The following ZSWIM6 variants were observed in gnomAD, a reference collection of about 807,000 sequenced individuals.
ZSWIM6 encodes zinc finger SWIM-type containing 6, also known as zinc finger SWIM domain-containing protein 6.
In ZSWIM6, 9 loss-of-function variants were observed where a neutral mutation model predicts 113.2. The observed-to-expected ratio is 0.08, with a 90% CI of 0.05 to 0.14. ZSWIM6 has a LOEUF of 0.14. Ranked by LOEUF, ZSWIM6 falls within the 10% of genes least tolerant of loss-of-function variation. ZSWIM6 has a pLI of 1.00. For synonymous variants in ZSWIM6, 611 were observed against 606.5 expected (o/e 1.01, Z -0.11); for missense variants, 1,162 against 1,552.2 (o/e 0.75, Z 4.22).
chr5:61,444,685 T>C (rs1399082588), intron 1 of ZSWIM6, among the ~76,000 whole-genome samples: 1 of 152,180 alleles, frequency 6.6e-6, no homozygotes, highest in Non-Finnish European at 1.5e-5. Context: ...ATCAGTGTGT[T>C]TTTGATATTA....
In ZSWIM6 at chr5:61,346,560, C is replaced by T. The variant is rs555049631; in HGVS notation, c.676+13612C>T. Among the ~76,000 whole-genome samples, 505 of 152,262 alleles carry T rather than the reference C, an allele frequency of 3.3e-3. 6 individuals carry two copies. Among genetic ancestry groups the T allele is most frequent in the Non-Finnish European group, 3.8e-3 (261 of 68,008 alleles). ...GTGGGTAAGAGACTACCTTTTGTAT[C>T]TTTAATGCAATTTACGTTTTGTTTA... On this transcript the variant is annotated intron_variant, in intron 1 of 13. Coordinates refer to ENST00000252744, the MANE Select transcript of ZSWIM6 (RefSeq NM_020928.2).
At chr5:61,360,012 GAGAGA>G (rs753639228) in intron 1 of ZSWIM6, among the ~76,000 whole-genome samples, 45 of 152,158 alleles carry the variant, frequency 3.0e-4, no homozygotes, top group Non-Finnish European at 1.8e-4. Flanking sequence ...GAGAGAGAGA[GAGAGA>G]GAGGGAGAAT....
At chr5:61,526,581 T>A (rs1465948649) in intron 7 of ZSWIM6, among the ~76,000 whole-genome samples, 185 bp downstream of exon 7, 1 of 105,502 alleles carries the variant, frequency 9.5e-6, no homozygotes, top group Non-Finnish European at 1.8e-5. Context: ...TTGAATGTTG[T>A]AAGCAAAGAT....
chr5:61,536,366 A>G (rs886591254), intron 10 of ZSWIM6, among the ~76,000 whole-genome samples: 1 of 152,256 alleles, frequency 6.6e-6, no homozygotes, highest in African/African-American at 2.4e-5. Flanking sequence ...CTTACAAATA[A>G]CCTTTAAATT....
intron 1 of ZSWIM6, among the ~76,000 whole-genome samples, chr5:61,439,143 A>G (rs1458976367): frequency 6.6e-6 from 1 of 152,220 alleles, no homozygotes; most frequent in Non-Finnish European, 1.5e-5. Context: ...TTGAAATTTC[A>G]GGCTGACTTT....
intron 1 of ZSWIM6, chr5:61,391,786 A>C (rs1579971528): frequency 1.1e-6 from 1 of 942,008 alleles, no homozygotes; most frequent in East Asian, 2.4e-5. Context: ...AAAGCTCTTC[A>C]CCTTCCCATG....
At chr5:61,465,377 A>T (rs1430429883) in intron 1 of ZSWIM6, among the ~76,000 whole-genome samples, 2 of 151,272 alleles carry the variant, frequency 1.3e-5, no homozygotes, top group African/African-American at 4.9e-5. Flanking sequence ...GTGGTAGGGA[A>T]CCCTTATGTG....
At chr5:61,384,114 G>A (rs1043668060) in intron 1 of ZSWIM6, among the ~76,000 whole-genome samples, 1 of 150,714 alleles carries the variant, frequency 6.6e-6, no homozygotes, top group Admixed American at 6.6e-5. Flanking sequence ...GGTGGCGGGC[G>A]CCTGTAGTCC....
At chr5:61,393,291 C>T (rs955441838) in intron 1 of ZSWIM6, among the ~76,000 whole-genome samples, 1 of 151,932 alleles carries the variant, frequency 6.6e-6, no homozygotes, top group African/African-American at 2.4e-5. Flanking sequence ...CATGATCCAC[C>T]CGCCTCAGCC....
At chr5:61,336,013 C>T (rs1322887825) in intron 1 of ZSWIM6, among the ~76,000 whole-genome samples, 1 of 152,084 alleles carries the variant, frequency 6.6e-6, no homozygotes, top group Non-Finnish European at 1.5e-5. Flanking sequence ...CTGTAATCCC[C>T]GAACTTTGGG....
At chr5:61,386,961 T>A (rs1270126828) in intron 1 of ZSWIM6, among the ~76,000 whole-genome samples, 1 of 152,190 alleles carries the variant, frequency 6.6e-6, no homozygotes, top group Non-Finnish European at 1.5e-5. Flanking sequence ...CCGGTTCCTT[T>A]ATCTTTAGTT....
chr5:61,334,893 G>T (rs7443689), intron 1 of ZSWIM6, among the ~76,000 whole-genome samples: 7 of 143,798 alleles, frequency 4.9e-5, no homozygotes, highest in Non-Finnish European at 4.6e-5. Context: ...AATGTTGAGG[G>T]TTTTTTTTTT....
At chr5:61,524,515 T>A (rs2112266452) in intron 5 of ZSWIM6, among the ~76,000 whole-genome samples, 1 of 152,322 alleles carries the variant, frequency 6.6e-6, no homozygotes, top group East Asian at 1.9e-4. Context: ...AGTAAGGATA[T>A]CTGTGTTTTA....
At chr5:61,521,686 T>A (rs1378578939) in intron 5 of ZSWIM6, among the ~76,000 whole-genome samples, 1 of 152,202 alleles carries the variant, frequency 6.6e-6, no homozygotes, top group Admixed American at 6.5e-5. Context: ...TTATTTTATA[T>A]ACTAGTATGT....
At chr5:61,359,313 G>A (rs1167721599) in intron 1 of ZSWIM6, among the ~76,000 whole-genome samples, 1 of 152,098 alleles carries the variant, frequency 6.6e-6, no homozygotes, top group South Asian at 2.1e-4. Flanking sequence ...AGAAGGCAGG[G>A]GTTCAGGAAG....
chr5:61,456,172 A>C (rs376655949), intron 1 of ZSWIM6, among the ~76,000 whole-genome samples: 6 of 152,274 alleles, frequency 3.9e-5, no homozygotes, highest in African/African-American at 1.4e-4. Context: ...TCAATTTCAC[A>C]GAAAGATTTT....
chr5:61,490,850 G>T lies in ZSWIM6; in HGVS notation c.1098G>T (p.Glu366Asp), dbSNP rs1407916833. The T allele has an allele frequency of 1.3e-6, 2 of 1,548,516 alleles. No individual in the cohort carries two copies. The highest frequency in any genetic ancestry group is 1.4e-5 in the African/African-American group (1 of 72,740). ...AAAACTGCTGGCACTTAGATGAAGA[G>T]CAGGTTCAAGAACAGGTTAAACTGT... ...DDENCWHLDEEQVQEQVKLFL... is the reference protein window; with the variant it reads ...DDENCWHLDEDQVQEQVKLFL... The change falls in exon 3 of 14, where the codon GAG becomes GAT. Residue 366 changes from glutamate (E) to aspartate (D), a missense_variant. Around this residue, in one of 4 missense-constraint regions of ZSWIM6, gnomAD observed 96 missense variants for 240.3 expected, o/e 0.40. Transcript: ENST00000252744.
chr5:61,530,064 A>C lies in ZSWIM6; in HGVS notation c.1850A>C (p.Lys617Thr). 1 of 1,551,012 alleles carries C rather than the reference A, an allele frequency of 6.4e-7. No homozygotes were observed. Among genetic ancestry groups the C allele is most frequent in the Non-Finnish European group, 8.7e-7 (1 of 1,146,522 alleles). ...FRTQKKELPH[K>T]NITSITNLEG... ...TTTCCTTACACAGAGCTACCCCATAAAAACATAACCTCGATAACCAATCTG... is the reference window on the plus strand; with the variant it reads ...TTTCCTTACACAGAGCTACCCCATACAAACATAACCTCGATAACCAATCTG... The change falls in exon 8 of 14, where the codon AAA becomes ACA. Residue 617 changes from lysine to threonine, a missense_variant. This residue lies in a region of ZSWIM6 where 620 missense variants were observed against 804.6 expected (regional missense o/e 0.77). Transcript: ENST00000252744.
At chr5:61,390,675 C>T (rs1745688260) in intron 1 of ZSWIM6, 1 of 842,198 alleles carries the variant, frequency 1.2e-6, no homozygotes, top group Non-Finnish European at 2.0e-6. Flanking sequence ...GCATTAAGCT[C>T]CTTCTTCCTT....
Sources: allele counts gnomAD v4.1 joint callset (sites outside exome capture counted in the v4.1 genomes callset), GRCh38; gene constraint gnomAD v4.1.1; regional missense constraint gnomAD v4.1.1; transcripts MANE v1.5; gene names NCBI Gene and HGNC (gene_info 2026-07-23, HGNC 2026-07-21).